NTRK3: variants seen among roughly 807,000 people sequenced by gnomAD.
NTRK3 encodes neurotrophic receptor tyrosine kinase 3.
NTRK3 carries 24 observed loss-of-function variants against 91.7 expected under a neutral mutation model. The observed-to-expected ratio is 0.26, with a 90% confidence interval of 0.19 to 0.37. The LOEUF is 0.37. Among genes scored for constraint, NTRK3 ranks in the 10% least tolerant of loss-of-function variants. NTRK3 has a pLI of 1.00. For synonymous variants in NTRK3, 483 were observed against 404.0 expected (o/e 1.20, Z -2.34); for missense variants, 880 against 1,068.9 (o/e 0.82, Z 2.46).
intron 14 of NTRK3, among the ~76,000 whole-genome samples, chr15:87,962,023 A>AATGCACATGGCATCTTGGC (rs2072349622): frequency 6.6e-6 from 1 of 152,176 alleles, no homozygotes; most frequent in Admixed American, 6.5e-5. Flanking sequence ...GGGATCTTGG[A>AATGCACATGGCATCTTGGC]ATGCACATGG....
chr15:88,033,765 C>G (rs527976807), intron 13 of NTRK3, among the ~76,000 whole-genome samples: 1 of 152,256 alleles, frequency 6.6e-6, no homozygotes, highest in East Asian at 1.9e-4. Flanking sequence ...TTAAATGACC[C>G]TGGCATAAAC....
intron 5 of NTRK3, among the ~76,000 whole-genome samples, chr15:88,160,317 C>T (rs888431515): frequency 6.6e-6 from 1 of 152,128 alleles, no homozygotes; most frequent in Non-Finnish European, 1.5e-5. Flanking sequence ...ACTGAGGGAC[C>T]CATACCCCTG....
At chr15:88,147,490 G>A (rs2042989944) in intron 5 of NTRK3, 87 bp from the exon 6 acceptor site, 1 of 1,105,516 alleles carries the variant, frequency 9.0e-7, no homozygotes, top group African/African-American at 1.6e-5. Context: ...TTTCACTGGA[G>A]CCTGGCTTTG....
At chr15:88,096,033 G>T (rs539503568) in intron 13 of NTRK3, among the ~76,000 whole-genome samples, 2 of 152,194 alleles carry the variant, frequency 1.3e-5, no homozygotes, top group African/African-American at 4.8e-5. Flanking sequence ...TTCTTCTATT[G>T]TGTGTAGTAT....
intron 17 of NTRK3, among the ~76,000 whole-genome samples, chr15:87,887,256 T>C (rs977063324): frequency 6.6e-6 from 1 of 152,178 alleles, no homozygotes; most frequent in African/African-American, 2.4e-5. Flanking sequence ...GCACAACCAA[T>C]GTGGATGAAG....
intron 17 of NTRK3, among the ~76,000 whole-genome samples, chr15:87,919,540 C>T (rs965512971): frequency 9.2e-5 from 14 of 152,088 alleles, no homozygotes; most frequent in Non-Finnish European, 1.8e-4. Context: ...TAGATGTCCC[C>T]AACATTACCA....
chr15:87,873,568 A>G (rs1396127773), exon 19 of NTRK3: 4 of 231,850 alleles, frequency 1.7e-5, no homozygotes, highest in Non-Finnish European at 3.4e-5. Flanking sequence ...TTCAAAGCTA[A>G]GCTCTCAGAG....
At chr15:88,121,352 G>A (rs1053799949) in intron 13 of NTRK3, among the ~76,000 whole-genome samples, 35 of 152,166 alleles carry the variant, frequency 2.3e-4, no homozygotes, top group African/African-American at 7.2e-4. Flanking sequence ...CATTTGTGTT[G>A]CTGTGGAAAG....
At chr15:88,080,472 G>A (rs1349315968) in intron 13 of NTRK3, among the ~76,000 whole-genome samples, 1 of 152,146 alleles carries the variant, frequency 6.6e-6, no homozygotes, top group Admixed American at 6.5e-5. Flanking sequence ...ATTTCCATAT[G>A]TTTATTAGCC....
chr15:88,174,136 G>A lies in NTRK3; in HGVS notation c.395+9282C>T, dbSNP rs537767413. Reference sequence around the variant, plus strand: ...AACAAATAGACAACAGATTTCCTCTGGTCCTGCCCCTCAGTGGCCCCAGCT... The same window carrying A: ...AACAAATAGACAACAGATTTCCTCTAGTCCTGCCCCTCAGTGGCCCCAGCT... On this transcript the variant is annotated intron_variant, in intron 5 of 18. Transcript: ENST00000394480. Among the ~76,000 whole-genome samples the A allele has an allele frequency of 3.9e-5, 6 of 152,252 alleles. No individual in the cohort carries two copies. The South Asian group carries it at 1.2e-3, about 32-fold the overall frequency.
At chr15:88,197,957 C>T (rs1050331140) in intron 3 of NTRK3, among the ~76,000 whole-genome samples, 3 of 152,154 alleles carry the variant, frequency 2.0e-5, no homozygotes, top group African/African-American at 7.2e-5. Flanking sequence ...GGTGATCTCC[C>T]ATGGCCTCAG....
intron 5 of NTRK3, among the ~76,000 whole-genome samples, chr15:88,179,141 A>G (rs1292135074): frequency 2.6e-5 from 4 of 152,170 alleles, no homozygotes; most frequent in Non-Finnish European, 4.4e-5. Flanking sequence ...ATATTTGCAA[A>G]TGCACCAGGC....
intron 6 of NTRK3, among the ~76,000 whole-genome samples, chr15:88,142,378 T>TA (rs1205913499): frequency 6.6e-6 from 1 of 152,272 alleles, no homozygotes; most frequent in Non-Finnish European, 1.5e-5. Flanking sequence ...GCCTGGGGCC[T>TA]AATCGCAGGG....
intron 17 of NTRK3, among the ~76,000 whole-genome samples, chr15:87,883,588 T>C (rs967317806): frequency 2.0e-5 from 3 of 151,260 alleles, no homozygotes; most frequent in Non-Finnish European, 4.4e-5. Flanking sequence ...TGTGATTGTG[T>C]GCATCTTTCA....
chr15:88,007,380 G>C (rs967533443), intron 14 of NTRK3, among the ~76,000 whole-genome samples: 1 of 152,128 alleles, frequency 6.6e-6, no homozygotes, highest in African/African-American at 2.4e-5. Context: ...GAACAATCAG[G>C]ACCAGGGAAT....
At chr15:88,165,493 T>C (rs1419545528) in intron 5 of NTRK3, among the ~76,000 whole-genome samples, 1 of 152,200 alleles carries the variant, frequency 6.6e-6, no homozygotes, top group African/African-American at 2.4e-5. Context: ...TTTTCCTTGC[T>C]ATAAGGACTT....
chr15:87,891,280 C>T (rs1363460950), intron 17 of NTRK3, among the ~76,000 whole-genome samples: 1 of 152,174 alleles, frequency 6.6e-6, no homozygotes, highest in Non-Finnish European at 1.5e-5. Context: ...TTTGTAGTAG[C>T]TCCTTTCTGT....
chr15:88,007,489 T>C (rs571791122), intron 14 of NTRK3, among the ~76,000 whole-genome samples: 1 of 152,266 alleles, frequency 6.6e-6, no homozygotes, highest in African/African-American at 2.4e-5. Flanking sequence ...AGAGTGACTT[T>C]TGGTCACTAG....
chr15:87,991,112 C>T (rs954006150), intron 14 of NTRK3, among the ~76,000 whole-genome samples: 1 of 152,138 alleles, frequency 6.6e-6, no homozygotes, highest in African/African-American at 2.4e-5. Context: ...CCATCCCACA[C>T]CCCCCATGAC....
Sources: gnomAD v4.1 joint callset for allele counts (sites outside exome capture counted in the v4.1 genomes callset) on GRCh38, gnomAD v4.1.1 for gene constraint, MANE v1.5 for transcripts, NCBI Gene and HGNC (gene_info 2026-07-23, HGNC 2026-07-21) for gene names.